Variants in AKR1A1 observed in about 807,000 individuals in gnomAD.
AKR1A1 encodes HEL-S-165mP.
In AKR1A1, 26 loss-of-function variants were observed where a neutral mutation model predicts 39.2. That is an observed-to-expected ratio of 0.66 (90% CI 0.49 to 0.92). The LOEUF (loss-of-function observed/expected upper bound fraction) is 0.92. Among genes scored for constraint, AKR1A1 ranks in the 40% least tolerant of loss-of-function variants. The pLI, the probability that AKR1A1 is intolerant of heterozygous loss-of-function variation, is 0.00. For synonymous variants in AKR1A1, 141 were observed against 155.5 expected (o/e 0.91, Z 0.69); for missense variants, 378 against 406.5 (o/e 0.93, Z 0.60).
At chr1:45,560,813 C>T (rs1171920045) in intron 1 of AKR1A1, among the ~76,000 whole-genome samples, 1 of 151,402 alleles carries the variant, frequency 6.6e-6, no homozygotes, top group Non-Finnish European at 1.5e-5. Context: ...CTGCAACCTC[C>T]GCCTCCTGGG....
At chr1:45,568,344 C>A in intron 5 of AKR1A1, 141 bp from the exon 6 acceptor site, 6 of 1,237,690 alleles carry the variant, frequency 4.8e-6, no homozygotes, top group Non-Finnish European at 6.8e-6. Flanking sequence ...AATGAAATTG[C>A]CGATGGGAAA....
At chr1:45,568,280 A>G (rs1413949428) in intron 5 of AKR1A1, 103 bp downstream of exon 5, 80 of 1,387,406 alleles carry the variant, frequency 5.8e-5, no homozygotes, top group Non-Finnish European at 7.3e-5. Context: ...AAGTTGTCAG[A>G]GTGTTGGTGC....
rs75741001 is a variant in AKR1A1, at chr1:45,565,778, A to ATT, written c.85-776_85-775dup. Among the ~76,000 whole-genome samples the ATT allele has an allele frequency of 3.5e-5, 5 of 141,352 alleles. No individual in the cohort carries two copies. The East Asian group carries it at 6.2e-4, about 17-fold the overall frequency. The allele number at this position is 141,352 out of a possible 152,430, so 92.7% of individuals were successfully genotyped here. ...GCGTGAGCCACCACGCCTGGCCTTA[A>ATT]TTTTTTTTTTTTTTTTAAAGAGGTG... On this transcript the variant is annotated intron_variant, in intron 2 of 8. Transcript: ENST00000351829.
chr1:45,566,626 G>T lies in AKR1A1; in HGVS notation c.142G>T (p.Ala48Ser). ...AGGCTACCGCCACATTGATTGTGCTGCTATCTACGGCAATGAGCCTGAGAT... is the reference window on the plus strand; with the variant it reads ...AGGCTACCGCCACATTGATTGTGCTTCTATCTACGGCAATGAGCCTGAGAT... Reference protein sequence around the residue: ...SVGYRHIDCAAIYGNEPEIGE... With the variant: ...SVGYRHIDCASIYGNEPEIGE... The change falls in exon 3 of 9, where the codon GCT (alanine) becomes TCT (serine). Residue 48 changes from alanine to serine, a missense_variant. By Grantham distance (99) the Ala-to-Ser change is moderately conservative. Coordinates refer to ENST00000351829, the MANE Select transcript of AKR1A1 (RefSeq NM_153326.3). 6.2e-7 allele frequency: 1 copy of T among 1,614,260 alleles called. No homozygotes were observed.
intron 2 of AKR1A1, among the ~76,000 whole-genome samples, chr1:45,562,653 G>A (rs901643249): frequency 4.6e-5 from 7 of 152,098 alleles, no homozygotes; most frequent in African/African-American, 1.7e-4. Context: ...GGGGCTACAG[G>A]CATGAGCCAC....
chr1:45,553,632 C>T (rs1570887519), intron 1 of AKR1A1, among the ~76,000 whole-genome samples: 1 of 152,132 alleles, frequency 6.6e-6, no homozygotes. Flanking sequence ...GATTTAAAAC[C>T]CAGCTAAACT....
chr1:45,566,456 T>G, intron 2 of AKR1A1, 113 bp from the exon 3 acceptor site: 1 of 1,479,336 alleles, frequency 6.8e-7, no homozygotes, highest in Non-Finnish European at 9.2e-7. Context: ...CTCCACTGCA[T>G]AGATGTGCCT....
rs1324720668 is a variant in AKR1A1 at position 45,566,578 on chromosome 1, G to T, written c.94G>T (p.Ala32Ser). ...WKSEPGQVKA[A>S]VKYALSVGYR... ...TTCTCTCACCTGGCAGGTAAAAGCA[G>T]CTGTTAAGTATGCCCTTAGCGTAGG... The change falls in exon 3 of 9, where the codon GCT becomes TCT. Residue 32 changes from alanine (A) to serine (S), a missense_variant. By Grantham distance (99) the Ala-to-Ser change is moderately conservative (BLOSUM62 1). Coordinates refer to ENST00000351829, the MANE Select transcript of AKR1A1 (RefSeq NM_153326.3). 6.2e-7 allele frequency: 1 copy of T among 1,614,220 alleles called. No homozygotes were observed. Among genetic ancestry groups the T allele is most frequent in the Non-Finnish European group, 8.5e-7 (1 of 1,180,026 alleles).
intron 2 of AKR1A1, among the ~76,000 whole-genome samples, chr1:45,563,002 G>A (rs1644297467): frequency 6.6e-6 from 1 of 152,020 alleles, no homozygotes; most frequent in South Asian, 2.1e-4. Context: ...CCAGCTACTT[G>A]AGAGACTGAG....
rs1557638860 is a variant in AKR1A1 at position 45,569,873 on chromosome 1, A to G, written c.913-18A>G. ...GCAACTCCTGCTGATGGAGTAATCT[A>G]TCTGTCTCTCTTTCCAGGTGGATGG... On this transcript the variant is annotated intron_variant, in intron 8 of 8. Transcript: ENST00000351829. The G allele has an allele frequency of 1.2e-6, 2 of 1,612,138 alleles. No individual in the cohort carries two copies. Among genetic ancestry groups the G allele is most frequent in the East Asian group, 2.2e-5 (1 of 44,872 alleles).
chr1:45,554,960 G>A (rs2991973), intron 1 of AKR1A1, among the ~76,000 whole-genome samples: 71,302 of 151,640 alleles, frequency 0.47, 16,937 homozygotes, highest in East Asian at 0.61. Context: ...CAAAGTGCTG[G>A]GATTAACAGG....
intron 1 of AKR1A1, among the ~76,000 whole-genome samples, chr1:45,561,172 C>T (rs1028605145): frequency 3.9e-5 from 6 of 152,152 alleles, no homozygotes; most frequent in Non-Finnish European, 5.9e-5. Context: ...CTTATTTAGT[C>T]AAGACTGGGT....
rs1354079301 is a variant in AKR1A1 at position 45,568,984 on chromosome 1, C to A, written c.810C>A (p.Ile270=). The A allele has an allele frequency of 6.2e-7, 1 of 1,614,164 alleles. No homozygotes were observed. Among genetic ancestry groups the A allele is most frequent in the African/African-American group, 1.3e-5 (1 of 75,042 alleles). Reference sequence around the variant, plus strand: ...CCAAAAGTATCACTCCTTCTCGAATCCTTCAGAACATCAAGGTACTTGGTA... The same window carrying A: ...CCAAAAGTATCACTCCTTCTCGAATACTTCAGAACATCAAGGTACTTGGTA... ...CIPKSITPSR[I]LQNIKVFDFT... Residue 270 remains isoleucine, a synonymous_variant, in exon 7 of 9, where the codon ATC becomes ATA. Coordinates refer to ENST00000351829, the MANE Select transcript of AKR1A1 (RefSeq NM_153326.3).
chr1:45,552,408 A>T (rs1180357841), intron 1 of AKR1A1: 2 of 152,064 alleles, frequency 1.3e-5, no homozygotes, highest in Admixed American at 1.3e-4. Context: ...AAATTTTTGT[A>T]GAGACAGTGT....
At chr1:45,565,329 C>T (rs527499003) in intron 2 of AKR1A1, among the ~76,000 whole-genome samples, 21 of 151,320 alleles carry the variant, frequency 1.4e-4, no homozygotes, top group East Asian at 1.2e-3. Context: ...GGGGTTTCTC[C>T]GTGTTGGTTA....
chr1:45,556,240 C>A (rs2148291425), intron 1 of AKR1A1, among the ~76,000 whole-genome samples: 2 of 152,288 alleles, frequency 1.3e-5, no homozygotes, highest in South Asian at 4.1e-4. Flanking sequence ...CCTGATAATA[C>A]CCTCCTCCCC....
At chr1:45,558,159 G>T (rs941249817) in intron 1 of AKR1A1, among the ~76,000 whole-genome samples, 2 of 151,462 alleles carry the variant, frequency 1.3e-5, no homozygotes, top group African/African-American at 4.8e-5. Context: ...TAAGTGATCT[G>T]CCTGCCTCGG....
At chr1:45,560,656 A>C (rs3014218) in intron 1 of AKR1A1, among the ~76,000 whole-genome samples, 70,637 of 151,204 alleles carry the variant, frequency 0.47, 16,695 homozygotes, top group East Asian at 0.61. Context: ...CCCTTGCAGG[A>C]GCCCACTCGG....
chr1:45,560,508 G>T (rs994556245), intron 1 of AKR1A1, among the ~76,000 whole-genome samples: 37 of 152,102 alleles, frequency 2.4e-4, no homozygotes, highest in Middle Eastern at 3.2e-3. Flanking sequence ...TACTTGGAAG[G>T]GTGAGGCAGG....
Sources: gnomAD v4.1 joint callset for allele counts (sites outside exome capture counted in the v4.1 genomes callset) on GRCh38, gnomAD v4.1.1 for gene constraint, MANE v1.5 for transcripts, NCBI Gene and HGNC (gene_info 2026-07-23, HGNC 2026-07-21) for gene names.